GPM6A: variants seen among roughly 807,000 people sequenced by gnomAD.
GPM6A encodes glycoprotein M6A.
Under a neutral mutation model 32.1 loss-of-function variants are expected in GPM6A, and 7 were observed. The observed-to-expected ratio is 0.22, with a 90% CI of 0.12 to 0.41. The LOEUF is 0.41. Among genes scored for constraint, GPM6A ranks in the 10% least tolerant of loss-of-function variants. GPM6A has a pLI of 1.00. For missense variants in GPM6A, 235 were observed against 347.2 expected, an observed-to-expected ratio of 0.68 and a Z score of 2.57; for synonymous variants, 130 against 123.4, an observed-to-expected ratio of 1.05 and a Z score of -0.35.
intron 1 of GPM6A, among the ~76,000 whole-genome samples, chr4:175,862,254 C>T (rs898466371): frequency 1.3e-5 from 2 of 152,122 alleles, no homozygotes; most frequent in Non-Finnish European, 2.9e-5. Flanking sequence ...GTAAACAGCA[C>T]CCAGATTATT....
intron 1 of GPM6A, among the ~76,000 whole-genome samples, chr4:175,809,275 CT>C (rs1031701317): frequency 6.6e-6 from 1 of 152,122 alleles, no homozygotes; most frequent in African/African-American, 2.4e-5. Flanking sequence ...AACTGGGGTC[CT>C]TGTTGCCATG....
chr4:175,674,021 C>T (rs1259190377), intron 2 of GPM6A, among the ~76,000 whole-genome samples, 185 bp from the exon 3 acceptor site: 1 of 152,096 alleles, frequency 6.6e-6, no homozygotes, highest in African/African-American at 2.4e-5. Context: ...TTTTTTGCTG[C>T]CACTTCCAAT....
intron 1 of GPM6A, among the ~76,000 whole-genome samples, chr4:175,819,348 AG>A (rs761577762): frequency 1.2e-4 from 18 of 152,236 alleles, no homozygotes; most frequent in Non-Finnish European, 2.5e-4. Context: ...AATGACTACT[AG>A]GTATCTGAAG....
intron 1 of GPM6A, among the ~76,000 whole-genome samples, chr4:175,827,718 C>G (rs993028912): frequency 9.8e-5 from 15 of 152,296 alleles, no homozygotes; most frequent in African/African-American, 3.6e-4. Flanking sequence ...TTTCAAATGG[C>G]AGCTCAGCCA....
intron 1 of GPM6A, among the ~76,000 whole-genome samples, chr4:175,851,514 C>T (rs546951802): frequency 6.6e-6 from 1 of 151,722 alleles, no homozygotes; most frequent in East Asian, 1.9e-4. Flanking sequence ...ACTGTAGTCT[C>T]CAAATGAGTG....
intron 1 of GPM6A, among the ~76,000 whole-genome samples, chr4:175,884,068 C>T (rs188398662): frequency 5.9e-5 from 9 of 152,148 alleles, no homozygotes; most frequent in Admixed American, 4.6e-4. Context: ...TTCCTTGGAG[C>T]TTTAAATTCA....
At chr4:175,742,664 G>A (rs1731935104) in intron 1 of GPM6A, among the ~76,000 whole-genome samples, 1 of 151,976 alleles carries the variant, frequency 6.6e-6, no homozygotes, top group African/African-American at 2.4e-5. Flanking sequence ...TAAATTTCCT[G>A]CAGAAAACTA....
At chr4:175,917,105 G>A (rs575098677) in intron 1 of GPM6A, among the ~76,000 whole-genome samples, 2 of 152,220 alleles carry the variant, frequency 1.3e-5, no homozygotes, top group East Asian at 3.9e-4. Flanking sequence ...TCCGTCTATA[G>A]AAGTCCATTG....
rs146075184 is a variant in GPM6A, at chr4:175,665,118, T to A, written c.387+8562A>T. ...CAGCACTGATGAACACATTAGGGGG[T>A]GCATCACTGTAATTAAAATGTCCTG... is the stretch of plus-strand genomic sequence containing the variant. On this transcript the variant is annotated intron_variant, in intron 3 of 6. Coordinates refer to ENST00000393658, the MANE Select transcript of GPM6A (RefSeq NM_201591.3). Among the ~76,000 whole-genome samples the A allele has an allele frequency of 7.4e-4, 112 of 152,270 alleles. 1 individual carries two copies. The highest frequency in any genetic ancestry group is 2.6e-3 in the African/African-American group (109 of 41,548).
At chr4:175,786,384 C>CT in intron 1 of GPM6A, among the ~76,000 whole-genome samples, 1 of 150,810 alleles carries the variant, frequency 6.6e-6, no homozygotes, top group East Asian at 2.0e-4. Context: ...CTTTTCCTGA[C>CT]TCTCCTCCCT....
intron 1 of GPM6A, among the ~76,000 whole-genome samples, chr4:175,881,416 CAT>C (rs1300807982): frequency 1.3e-5 from 2 of 152,184 alleles, no homozygotes; most frequent in Non-Finnish European, 1.5e-5. Flanking sequence ...CTAGTTCAAA[CAT>C]TGTGGAAGAC....
At chr4:175,762,674 G>A (rs959860393) in intron 1 of GPM6A, among the ~76,000 whole-genome samples, 2 of 152,118 alleles carry the variant, frequency 1.3e-5, no homozygotes, top group Admixed American at 1.3e-4. Flanking sequence ...GATTCCCAGT[G>A]GGTAAACAAA....
chr4:175,817,463 A>G lies in GPM6A; in HGVS notation c.-22-5214T>C, dbSNP rs527982102. ...AGACCAAATATCACAACGCTGAATG[A>G]CAAGTGCTACCAAATAAAAATAAAG... On this transcript the variant is annotated intron_variant, in intron 1 of 7. Transcript: ENST00000280187. Among the ~76,000 whole-genome samples, 8 of 152,350 alleles carry G rather than the reference A, an allele frequency of 5.3e-5. No individual in the cohort carries two copies. In the South Asian group the frequency reaches 1.7e-3, roughly 32 times the overall value.
chr4:175,812,773 G>A (rs1472109293), upstream of GPM6A: 16 of 985,164 alleles, frequency 1.6e-5, no homozygotes, highest in African/African-American at 1.7e-5. Context: ...GATTCCCGTC[G>A]GTTCTTTATG....
intron 3 of GPM6A, among the ~76,000 whole-genome samples, chr4:175,655,522 C>T (rs536852721): frequency 9.2e-5 from 14 of 152,040 alleles, no homozygotes; most frequent in African/African-American, 3.4e-4. Context: ...ATTTTGTCAT[C>T]TGAATGTTAA....
chr4:175,906,537 G>A (rs929813133), intron 1 of GPM6A: 13 of 152,146 alleles, frequency 8.5e-5, no homozygotes, highest in African/African-American at 3.1e-4. Context: ...CCGTAACCAT[G>A]GTGATATTCA....
intron 1 of GPM6A, among the ~76,000 whole-genome samples, chr4:175,935,814 T>A (rs1291485942): frequency 6.6e-6 from 1 of 151,946 alleles, no homozygotes; most frequent in Non-Finnish European, 1.5e-5. Flanking sequence ...TAGTGGATGT[T>A]CAAGAGTAAG....
chr4:175,978,307 G>A (rs183711748), intron 1 of GPM6A, among the ~76,000 whole-genome samples: 21 of 152,246 alleles, frequency 1.4e-4, no homozygotes, highest in Admixed American at 1.3e-4. Context: ...AAAACTATCA[G>A]ATCTCGTGAG....
At chr4:175,930,684 A>G (rs898923425) in intron 1 of GPM6A, among the ~76,000 whole-genome samples, 8 of 152,082 alleles carry the variant, frequency 5.3e-5, no homozygotes, top group Admixed American at 6.6e-5. Context: ...GAAGACTTCT[A>G]TCAAGAATCC....
Sources: gnomAD v4.1 joint callset for allele counts (sites outside exome capture counted in the v4.1 genomes callset) on GRCh38, gnomAD v4.1.1 for gene constraint, MANE v1.5 for transcripts, NCBI Gene and HGNC (gene_info 2026-07-23, HGNC 2026-07-21) for gene names.